The following CYP2C18 variants were observed in gnomAD, a reference collection of about 807,000 sequenced individuals.
CYP2C18 encodes the protein cytochrome P450 family 2 subfamily C member 18.
Under a neutral mutation model 41.3 loss-of-function variants are expected in CYP2C18, and 38 were observed. The ratio of observed to expected loss-of-function variants is 0.92; its 90% CI spans 0.71 to 1.21. The LOEUF (loss-of-function observed/expected upper bound fraction) is 1.21. Among genes scored for constraint, CYP2C18 ranks in the 50% most tolerant of loss-of-function variants. The pLI is 0.00. For missense variants in CYP2C18, 635 were observed against 591.4 expected (o/e 1.07, Z -0.77); for synonymous variants, 236 against 210.0 (o/e 1.12, Z -1.07).
In CYP2C18 at chr10:94,694,825, TAG is replaced by T; in HGVS notation, c.482-89_482-88del. 2.1e-6 allele frequency: 3 copies of T among 1,402,846 alleles called. No homozygotes were observed. The South Asian group carries it at 4.0e-5, about 19-fold the overall frequency. 86.9% of individuals were successfully genotyped at this position (1,402,846 alleles called of 1,614,324 possible). On this transcript the variant is annotated intron_variant, in intron 3 of 8. Coordinates refer to ENST00000285979, the MANE Select transcript of CYP2C18 (RefSeq NM_000772.3). ...GAGAATTTCTAGGTAGGTATTGGTT[TAG>T]AGTTTCTAAAAATACTTTTTCCTGT...
chr10:94,693,773 C>T (rs1362763537), intron 3 of CYP2C18, among the ~76,000 whole-genome samples: 1 of 152,166 alleles, frequency 6.6e-6, no homozygotes, highest in African/African-American at 2.4e-5. Context: ...TACCGCACAA[C>T]ATTTTTGTTC....
At position 94,712,008 on chromosome 10, in the gene CYP2C18, A is replaced by ATTTTTTTTTTT. The variant is rs35672164; in HGVS notation, c.819+5058_819+5068dup. 5.8e-3 allele frequency among the ~76,000 whole-genome samples: 564 copies of ATTTTTTTTTTT among 97,820 alleles called. 13 individuals are homozygous for ATTTTTTTTTTT. Among genetic ancestry groups the ATTTTTTTTTTT allele is most frequent in the Non-Finnish European group, 8.5e-3 (432 of 50,920 alleles). 64.2% of individuals were successfully genotyped at this position (97,820 alleles called of 152,430 possible). On this transcript the variant is annotated intron_variant, in intron 5 of 8. Coordinates refer to ENST00000285979, the MANE Select transcript of CYP2C18 (RefSeq NM_000772.3). ...AGGTGCATGCCACCATGCCCAACTAATTTTTTTTTTTTTTTTTTTTGTAGA... is the reference window on the plus strand; with the variant it reads ...AGGTGCATGCCACCATGCCCAACTAATTTTTTTTTTTTTTTTTTTTTTTTTTTTTTTGTAGA...
chr10:94,698,162 A>C (rs1260653587), intron 4 of CYP2C18, among the ~76,000 whole-genome samples: 1 of 152,172 alleles, frequency 6.6e-6, no homozygotes, highest in Non-Finnish European at 1.5e-5. Flanking sequence ...CTCCACCCCA[A>C]ATCAACAGAA....
At chr10:94,710,561 T>A (rs971452898) in intron 5 of CYP2C18, among the ~76,000 whole-genome samples, 3 of 152,208 alleles carry the variant, frequency 2.0e-5, no homozygotes, top group Non-Finnish European at 4.4e-5. Context: ...CTTTCAACAA[T>A]GTTTTGTGTC....
At chr10:94,735,225 T>G in intron 8 of CYP2C18, 38 bp from the exon 9 acceptor site, 1 of 1,597,796 alleles carries the variant, frequency 6.3e-7, no homozygotes, top group South Asian at 1.1e-5. Flanking sequence ...CATGACCTAA[T>G]GTTCAAGGAA....
rs776481679 is a variant in CYP2C18 at position 94,683,788 on chromosome 10, C to T, written c.-32C>T. 24 of 1,535,542 alleles carry T rather than the reference C, an allele frequency of 1.6e-5. No homozygotes were observed. Among genetic ancestry groups the T allele is most frequent in the Admixed American group, 2.0e-5 (1 of 49,826 alleles). On this transcript the variant is annotated 5_prime_UTR_variant, in exon 1 of 9. Coordinates refer to ENST00000285979, the MANE Select transcript of CYP2C18 (RefSeq NM_000772.3). ...TTATAAAAGCCTTGAAGTGAAAGCC[C>T]GCAGTTGTCTTACTAAGAAGAGAAG...
intron 5 of CYP2C18, among the ~76,000 whole-genome samples, chr10:94,713,210 C>G (rs1589801443): frequency 1.3e-5 from 2 of 151,266 alleles, no homozygotes. Flanking sequence ...ACTTTAAGTT[C>G]TAGGGTACAT....
At chr10:94,698,497 G>A (rs1242236654) in intron 4 of CYP2C18, among the ~76,000 whole-genome samples, 2 of 152,072 alleles carry the variant, frequency 1.3e-5, no homozygotes, top group Admixed American at 6.6e-5. Flanking sequence ...AGAGGGAAAT[G>A]TATAGCACTA....
chr10:94,692,223 G>A (rs1847014097), intron 3 of CYP2C18, among the ~76,000 whole-genome samples: 1 of 151,928 alleles, frequency 6.6e-6, no homozygotes, highest in Non-Finnish European at 1.5e-5. Flanking sequence ...AAACCACCAT[G>A]AGAATGAACA....
intron 6 of CYP2C18, among the ~76,000 whole-genome samples, chr10:94,724,009 A>G (rs1847690095): frequency 6.6e-6 from 1 of 152,036 alleles, no homozygotes; most frequent in Admixed American, 6.6e-5. Context: ...CTGATACAAC[A>G]TTAATTTGAT....
rs1368844398 is a variant in CYP2C18 at position 94,706,936 on chromosome 10, T to C, written c.795T>C (p.Asp265=). ...LDMNSARDFI[D]CFLIKMEQEK... is the part of the protein sequence containing the mutation. Reference sequence around the variant, plus strand: ...TGAACAGTGCTCGGGACTTTATTGATTGTTTCCTGATCAAAATGGAACAGG... The same window carrying C: ...TGAACAGTGCTCGGGACTTTATTGACTGTTTCCTGATCAAAATGGAACAGG... The change falls in exon 5 of 9, where the codon GAT becomes GAC. Residue 265 remains aspartate (D), a synonymous_variant. Coordinates refer to ENST00000285979, the MANE Select transcript of CYP2C18 (RefSeq NM_000772.3). 2 of 1,608,512 alleles carry C rather than the reference T, an allele frequency of 1.2e-6. No individual in the cohort carries two copies. The highest frequency in any genetic ancestry group is 2.2e-5 in the East Asian group (1 of 44,700).
intron 5 of CYP2C18, among the ~76,000 whole-genome samples, chr10:94,708,234 G>T (rs1263891936): frequency 2.6e-5 from 4 of 152,154 alleles, no homozygotes; most frequent in Non-Finnish European, 5.9e-5. Flanking sequence ...TGAAGAAGAT[G>T]AGATACTTTG....
At chr10:94,714,477 C>T (rs1847503345) in intron 5 of CYP2C18, among the ~76,000 whole-genome samples, 1 of 152,148 alleles carries the variant, frequency 6.6e-6, no homozygotes, top group Admixed American at 6.6e-5. Flanking sequence ...TGTCAAAGAT[C>T]AGATGGTTGT....
chr10:94,693,164 A>T (rs752047630), intron 3 of CYP2C18, among the ~76,000 whole-genome samples: 1 of 152,096 alleles, frequency 6.6e-6, no homozygotes, highest in Non-Finnish European at 1.5e-5. Flanking sequence ...AAAGTATATA[A>T]AAAAAAGTGT....
chr10:94,692,631 G>T (rs1847026059), intron 3 of CYP2C18, among the ~76,000 whole-genome samples: 1 of 152,066 alleles, frequency 6.6e-6, no homozygotes, highest in Admixed American at 6.6e-5. Context: ...CAGGGATCTA[G>T]AACTAGAAAT....
chr10:94,697,027 G>C (rs1412562915), intron 4 of CYP2C18, among the ~76,000 whole-genome samples: 2 of 152,188 alleles, frequency 1.3e-5, no homozygotes, highest in South Asian at 4.1e-4. Context: ...AAGTGACGGG[G>C]AGAATGGAAC....
Position 94,703,460 on chromosome 10 carries a change from T to A in CYP2C18, c.643-3324T>A, listed in dbSNP as rs758960891. On this transcript the variant is annotated intron_variant, in intron 4 of 8. Coordinates refer to ENST00000285979, the MANE Select transcript of CYP2C18 (RefSeq NM_000772.3). ...AGAGGAGGAGTCTAGAGAGACAGTC[T>A]GGCTACAGGGGCTTTGTGGTGCTGC... Among the ~76,000 whole-genome samples the A allele has an allele frequency of 5.3e-5, 8 of 152,214 alleles. No individual in the cohort carries two copies. The East Asian group carries it at 1.5e-3, about 29-fold the overall frequency.
chr10:94,693,929 G>C (rs931137975), intron 3 of CYP2C18, among the ~76,000 whole-genome samples: 2 of 152,060 alleles, frequency 1.3e-5, no homozygotes, highest in Non-Finnish European at 2.9e-5. Context: ...CATCCAAACT[G>C]TATCAGGGAG....
chr10:94,683,786 C>A lies in CYP2C18; in HGVS notation c.-34C>A. 2 of 1,527,634 alleles carry A rather than the reference C, an allele frequency of 1.3e-6. No homozygotes were observed. The highest frequency in any genetic ancestry group is 8.8e-7 in the Non-Finnish European group (1 of 1,135,410). 94.6% of individuals were successfully genotyped at this position (1,527,634 alleles called of 1,614,324 possible). A position where few individuals can be genotyped will look rare whatever the true frequency, so the allele number is the denominator to read the frequency against. On this transcript the variant is annotated 5_prime_UTR_variant, in exon 1 of 9. Coordinates refer to ENST00000285979, the MANE Select transcript of CYP2C18 (RefSeq NM_000772.3). ...TGTTATAAAAGCCTTGAAGTGAAAG[C>A]CCGCAGTTGTCTTACTAAGAAGAGA... is the stretch of plus-strand genomic sequence containing the variant.
Sources: allele counts gnomAD v4.1 joint callset (sites outside exome capture counted in the v4.1 genomes callset), GRCh38; gene constraint gnomAD v4.1.1; transcripts MANE v1.5; gene names NCBI Gene and HGNC (gene_info 2026-07-23, HGNC 2026-07-21).